The following RAD54L2 variants were observed in gnomAD, a reference collection of about 807,000 sequenced individuals.
RAD54L2 encodes helicase ARIP4.
Under a neutral mutation model 138.4 loss-of-function variants are expected in RAD54L2, and 27 were observed. The ratio of observed to expected loss-of-function variants is 0.20; its 90% CI spans 0.14 to 0.27. The LOEUF (loss-of-function observed/expected upper bound fraction) is 0.27, where lower values mean the gene tolerates loss of function less well. RAD54L2 is among the 10% of genes least tolerant of loss of function. RAD54L2 has a pLI of 1.00. For missense variants in RAD54L2, 1,396 were observed against 1,890.2 expected, an observed-to-expected ratio of 0.74 and a Z score of 4.85; for synonymous variants, 644 against 723.2, an observed-to-expected ratio of 0.89 and a Z score of 1.76.
At chr3:51,606,983 A>G (rs1700196780) in intron 3 of RAD54L2, among the ~76,000 whole-genome samples, 1 of 150,050 alleles carries the variant, frequency 6.7e-6, no homozygotes, top group Admixed American at 6.6e-5. Context: ...TGCCTGGCCT[A>G]TTGTTTTATT....
At chr3:51,656,497 T>C (rs1460354912) in intron 20 of RAD54L2, among the ~76,000 whole-genome samples, 1 of 152,144 alleles carries the variant, frequency 6.6e-6, no homozygotes, top group Non-Finnish European at 1.5e-5. Context: ...CCCTGCCTGA[T>C]TGTAGACCCA....
chr3:51,541,189 C>T (rs1246031233), intron 1 of RAD54L2: 1 of 151,878 alleles, frequency 6.6e-6, no homozygotes, highest in Non-Finnish European at 1.5e-5. Flanking sequence ...AGTGGTAGTT[C>T]CTGGTTTAGA....
At chr3:51,561,492 G>A (rs973368307) in intron 2 of RAD54L2, among the ~76,000 whole-genome samples, 4 of 152,068 alleles carry the variant, frequency 2.6e-5, no homozygotes, top group East Asian at 3.9e-4. Context: ...TGATCTGCCC[G>A]CCTCTGCCTC....
chr3:51,583,892 C>T (rs1419577063), intron 2 of RAD54L2, among the ~76,000 whole-genome samples: 1 of 148,884 alleles, frequency 6.7e-6, no homozygotes, highest in Admixed American at 6.8e-5. Flanking sequence ...CCATGGTGGG[C>T]TCAGAGACTC....
At position 51,662,359 on chromosome 3, in the gene RAD54L2, T is replaced by A; in HGVS notation, c.3410-67T>A. 7.3e-7 allele frequency: 1 copy of A among 1,368,754 alleles called. No individual in the cohort carries two copies. The highest frequency in any genetic ancestry group is 9.7e-7 in the Non-Finnish European group (1 of 1,030,184). 84.8% of individuals were successfully genotyped at this position (1,368,754 alleles called of 1,614,324 possible). Reference sequence around the variant, plus strand: ...CAGGACAGGATTTTTTTTAATGGAGTTTTCTCCTCTACCCTTCTTCTCTCC... The same window carrying A: ...CAGGACAGGATTTTTTTTAATGGAGATTTCTCCTCTACCCTTCTTCTCTCC... On this transcript the variant is annotated intron_variant, in intron 22 of 22. Coordinates refer to ENST00000684192, the MANE Select transcript of RAD54L2 (RefSeq NM_015106.4). This position sits in a 1 kb window ranked among gnomAD's most constrained non-coding sequence, Gnocchi z 4.6.
chr3:51,592,998 TCTA>T (rs1699871747), intron 3 of RAD54L2, among the ~76,000 whole-genome samples: 1 of 152,186 alleles, frequency 6.6e-6, no homozygotes, highest in African/African-American at 2.4e-5. Flanking sequence ...AGCTAGCTAT[TCTA>T]CTAGTAAGAA....
chr3:51,647,957 G>A (rs1165631495), intron 19 of RAD54L2, among the ~76,000 whole-genome samples: 1 of 152,196 alleles, frequency 6.6e-6, no homozygotes, highest in Non-Finnish European at 1.5e-5. Context: ...GACAATGGGT[G>A]CAGCCCACAG....
chr3:51,594,926 A>G (rs1699929157), intron 3 of RAD54L2, among the ~76,000 whole-genome samples: 1 of 121,290 alleles, frequency 8.2e-6, no homozygotes, highest in Admixed American at 1.2e-4. Flanking sequence ...GGCTGGTGGC[A>G]CAATCTTGGC....
intron 19 of RAD54L2, among the ~76,000 whole-genome samples, chr3:51,647,061 T>C (rs967134976): frequency 2.0e-5 from 3 of 152,214 alleles, no homozygotes; most frequent in African/African-American, 7.2e-5. Context: ...ATTTTTTTTT[T>C]TTAATTTCAA....
chr3:51,658,240 C>CT (rs1701659850), intron 21 of RAD54L2, among the ~76,000 whole-genome samples: 1 of 152,032 alleles, frequency 6.6e-6, no homozygotes, highest in Admixed American at 6.6e-5. Context: ...CCCTTACTGT[C>CT]ATTTTTATGA....
At position 51,662,410 on chromosome 3, in the gene RAD54L2, T is replaced by A; in HGVS notation, c.3410-16T>A. The A allele has an allele frequency of 6.7e-7, 1 of 1,503,110 alleles. No individual in the cohort carries two copies. The highest frequency in any genetic ancestry group is 8.9e-7 in the Non-Finnish European group (1 of 1,123,974). The allele number at this position is 1,503,110 out of a possible 1,614,324, so 93.1% of individuals were successfully genotyped here. A position where few individuals can be genotyped will look rare whatever the true frequency, so the allele number is the denominator to read the frequency against. ...CTGGCCACTCTGATTCTCAGTTAACTACATTTTGTCCCCAGGTTCCCAGGG... is the reference window on the plus strand; with the variant it reads ...CTGGCCACTCTGATTCTCAGTTAACAACATTTTGTCCCCAGGTTCCCAGGG... On this transcript the variant is annotated splice_polypyrimidine_tract_variant and intron_variant, in intron 22 of 22. Transcript: ENST00000684192. The surrounding 1 kb of genome is among the most constrained non-coding windows in gnomAD (Gnocchi z 4.6).
chr3:51,591,751 G>A (rs559191147), intron 3 of RAD54L2, among the ~76,000 whole-genome samples: 1 of 152,222 alleles, frequency 6.6e-6, no homozygotes, highest in East Asian at 1.9e-4. Flanking sequence ...GAGTCCCTAG[G>A]TGTCAGCATC....
rs376693334 is a variant in RAD54L2, at chr3:51,660,038, G to A, written c.3329G>A (p.Arg1110His). The A allele has an allele frequency of 2.0e-5, 32 of 1,583,196 alleles. No homozygotes were observed. The highest frequency in any genetic ancestry group is 2.7e-5 in the African/African-American group (2 of 74,556). ...IIRGTKGTYI[R>H]TSDGRIFAVR... ...TGTCTATTCTTAGGGACGTACATCC[G>A]TACCAGTGATGGACGGATCTTTGCT... Residue 1110 changes from arginine (R) to histidine (H), a missense_variant, in exon 22 of 23, where the codon CGT becomes CAT. By Grantham distance (29) the Arg-to-His change is conservative. Coordinates refer to ENST00000684192, the MANE Select transcript of RAD54L2 (RefSeq NM_015106.4).
chr3:51,620,085 CT>C (rs796674944), intron 3 of RAD54L2, among the ~76,000 whole-genome samples: 3 of 149,740 alleles, frequency 2.0e-5, no homozygotes, highest in Admixed American at 1.3e-4. Flanking sequence ...GACTTTGAGT[CT>C]TTTTTTTTCA....
chr3:51,608,520 A>T (rs1485585449), intron 3 of RAD54L2, among the ~76,000 whole-genome samples: 1 of 152,032 alleles, frequency 6.6e-6, no homozygotes, highest in Non-Finnish European at 1.5e-5. Flanking sequence ...ACACCACTGC[A>T]CTCCAGCCTG....
At chr3:51,608,891 G>A (rs955004844) in intron 3 of RAD54L2, among the ~76,000 whole-genome samples, 1 of 152,026 alleles carries the variant, frequency 6.6e-6, no homozygotes, top group Non-Finnish European at 1.5e-5. Context: ...GGAGGGAGAG[G>A]TAATTATTAT....
chr3:51,586,638 A>C (rs1049053089), intron 2 of RAD54L2, among the ~76,000 whole-genome samples: 2 of 145,816 alleles, frequency 1.4e-5, no homozygotes, highest in Non-Finnish European at 3.0e-5. Flanking sequence ...GTGGGATCTC[A>C]GCTCACTGGA....
intron 2 of RAD54L2, among the ~76,000 whole-genome samples, chr3:51,578,742 G>A (rs914958360): frequency 2.6e-5 from 4 of 152,102 alleles, no homozygotes; most frequent in Admixed American, 6.6e-5. Context: ...CTAGGGGAGG[G>A]TGCCTGTGAC....
intron 20 of RAD54L2, among the ~76,000 whole-genome samples, chr3:51,656,852 C>T (rs1701613230): frequency 6.6e-6 from 1 of 152,000 alleles, no homozygotes; most frequent in Admixed American, 6.5e-5. Flanking sequence ...TCTCCCGCCT[C>T]AGCCTCCCGA....
Sources: allele counts gnomAD v4.1 joint callset (sites outside exome capture counted in the v4.1 genomes callset), GRCh38; gene constraint gnomAD v4.1.1; non-coding constraint Gnocchi (gnomAD v3.1); transcripts MANE v1.5; gene names NCBI Gene and HGNC (gene_info 2026-07-23, HGNC 2026-07-21).